The following CNTRL variants were observed in gnomAD, a reference collection of about 807,000 sequenced individuals.
CNTRL encodes centriolin.
In CNTRL, 233 loss-of-function variants were observed where a neutral mutation model predicts 303.7. The ratio of observed to expected loss-of-function variants is 0.77; its 90% CI spans 0.69 to 0.86. CNTRL has a LOEUF of 0.86. CNTRL is among the 40% of genes least tolerant of loss of function. The pLI is 0.00. For missense variants in CNTRL, 2,524 were observed against 2,650.6 expected, an observed-to-expected ratio of 0.95 and a Z score of 1.05; for synonymous variants, 900 against 922.2, an observed-to-expected ratio of 0.98 and a Z score of 0.44.
At chr9:121,086,632 A>C (rs1032810693) in intron 2 of CNTRL, among the ~76,000 whole-genome samples, 3 of 128,524 alleles carry the variant, frequency 2.3e-5, no homozygotes, top group African/African-American at 9.7e-5. Context: ...TGCTGGATTT[A>C]CTTTTTTTTT....
chr9:121,136,720 A>G (rs12342830), intron 15 of CNTRL, among the ~76,000 whole-genome samples: 4 of 152,204 alleles, frequency 2.6e-5, no homozygotes, highest in African/African-American at 9.7e-5. Context: ...AACATATCCA[A>G]TAAATATTTA....
At chr9:121,162,018 A>G (rs1169759310) in intron 33 of CNTRL, 36 bp from the exon 34 acceptor site, 6 of 1,613,470 alleles carry the variant, frequency 3.7e-6, no homozygotes, top group Non-Finnish European at 5.1e-6. Context: ...AGTCTTTCTC[A>G]TTTAAGATGT....
In CNTRL at chr9:121,143,990, G is replaced by C. The variant is rs375237919; in HGVS notation, c.2959G>C (p.Asp987His). 1.2e-6 allele frequency: 2 copies of C among 1,613,872 alleles called. No individual in the cohort carries two copies. Among genetic ancestry groups the C allele is most frequent in the Non-Finnish European group, 1.7e-6 (2 of 1,179,842 alleles). Residue 987 changes from aspartate (D) to histidine (H), a missense_variant, in exon 20 of 44, where the codon GAT becomes CAT. Physicochemically the swap from Asp to His is moderately conservative, Grantham distance 81 (BLOSUM62 -1). Transcript: ENST00000373855. ...ACTAAAGAAAGCCGTGGCCACCTCTGATAAGCTAGCCACAGCTGAGCTCAC... is the reference window on the plus strand; with the variant it reads ...ACTAAAGAAAGCCGTGGCCACCTCTCATAAGCTAGCCACAGCTGAGCTCAC... Reference protein sequence around the residue: ...KKLKKAVATSDKLATAELTIA... With the variant: ...KKLKKAVATSHKLATAELTIA...
rs1400333498 is a variant in CNTRL at position 121,162,182 on chromosome 9, A to C, written c.5334A>C (p.Leu1778Phe). 5 of 1,614,066 alleles carry C rather than the reference A, an allele frequency of 3.1e-6. No individual in the cohort carries two copies. Among genetic ancestry groups the C allele is most frequent in the Non-Finnish European group, 4.2e-6 (5 of 1,180,026 alleles). The change falls in exon 34 of 44, where the codon TTA becomes TTC. Residue 1778 changes from leucine to phenylalanine, a missense_variant. Leu to Phe is a conservative substitution (Grantham distance 22). Coordinates refer to ENST00000373855, the MANE Select transcript of CNTRL (RefSeq NM_007018.6). ...IERMTAESRA[L>F]QSCVECLSKE... ...GAATGACTGCTGAGTCCCGAGCTTT[A>C]CAATCGTGTGTTGAGTGTTTGAGCA...
chr9:121,151,976 T>TAA (rs1410946427), intron 25 of CNTRL: 7 of 154,796 alleles, frequency 4.5e-5, no homozygotes, highest in African/African-American at 1.7e-4. Flanking sequence ...AGCATTTTTC[T>TAA]ATAATCTCTT....
chr9:121,140,029 A>G (rs1003961634), intron 16 of CNTRL, among the ~76,000 whole-genome samples: 4 of 152,172 alleles, frequency 2.6e-5, no homozygotes, highest in African/African-American at 4.8e-5. Flanking sequence ...TTTGTCAGAA[A>G]TCATTTAGTT....
At chr9:121,118,934 T>C (rs1033816685) in intron 12 of CNTRL, among the ~76,000 whole-genome samples, 1 of 152,200 alleles carries the variant, frequency 6.6e-6, no homozygotes, top group Non-Finnish European at 1.5e-5. Flanking sequence ...TGCTATTTTA[T>C]AGAAGGGACT....
intron 23 of CNTRL, among the ~76,000 whole-genome samples, chr9:121,148,005 A>C (rs1424953194): frequency 6.6e-6 from 1 of 152,232 alleles, no homozygotes; most frequent in Non-Finnish European, 1.5e-5. Flanking sequence ...TGGTGACCCC[A>C]GATTTCTTCG....
chr9:121,108,396 C>T (rs1461177049), intron 8 of CNTRL, among the ~76,000 whole-genome samples: 2 of 152,122 alleles, frequency 1.3e-5, no homozygotes, highest in African/African-American at 2.4e-5. Context: ...GCACGTTACT[C>T]AGCCCATTGA....
At chr9:121,140,847 G>T in intron 17 of CNTRL, 61 bp downstream of exon 17, 3 of 1,502,212 alleles carry the variant, frequency 2.0e-6, no homozygotes, top group Non-Finnish European at 2.7e-6. Flanking sequence ...AGTTGTGAGT[G>T]TGAGGTTCAA....
intron 7 of CNTRL, among the ~76,000 whole-genome samples, chr9:121,104,346 T>C (rs2049344047): frequency 6.6e-6 from 1 of 151,662 alleles, no homozygotes; most frequent in South Asian, 2.1e-4. Context: ...GGACACAGGG[T>C]GGGTAACACC....
At chr9:121,136,995 G>A (rs1046326852) in intron 15 of CNTRL, among the ~76,000 whole-genome samples, 6 of 152,132 alleles carry the variant, frequency 3.9e-5, no homozygotes, top group Non-Finnish European at 7.4e-5. Flanking sequence ...AGGAGTAAAG[G>A]TAAGGTATTT....
intron 7 of CNTRL, among the ~76,000 whole-genome samples, chr9:121,104,451 C>G (rs929440159): frequency 1.3e-5 from 2 of 151,926 alleles, no homozygotes; most frequent in Non-Finnish European, 2.9e-5. Context: ...GTGCAGCACA[C>G]CAACATGGCA....
intron 2 of CNTRL, among the ~76,000 whole-genome samples, chr9:121,082,829 G>T (rs1308845223): frequency 6.6e-6 from 1 of 152,190 alleles, no homozygotes; most frequent in South Asian, 2.1e-4. Flanking sequence ...AATTAGCCAG[G>T]CGTGGTGGCA....
At position 121,148,938 on chromosome 9, in the gene CNTRL, AG is replaced by A. The variant is rs1187496511; in HGVS notation, c.3649+78del. Reference sequence around the variant, plus strand: ...TTTTACTGATTCTCTGAAACCCCTAAGACACAATCCAGACTCCTTAGCTAGC... The same window carrying A: ...TTTTACTGATTCTCTGAAACCCCTAAACACAATCCAGACTCCTTAGCTAGC... On this transcript the variant is annotated intron_variant, in intron 24 of 43. Coordinates refer to ENST00000373855, the MANE Select transcript of CNTRL (RefSeq NM_007018.6). 3.0e-4 allele frequency: 406 copies of A among 1,359,274 alleles called. 1 individual carries two copies. The highest frequency in any genetic ancestry group is 4.7e-5 in the Non-Finnish European group (46 of 981,228). The allele number at this position is 1,359,274 out of a possible 1,614,324, so 84.2% of individuals were successfully genotyped here.
rs566471526 is a variant in CNTRL, at chr9:121,168,446, A to C, written c.6070+125A>C. 9.2e-5 allele frequency: 68 copies of C among 737,208 alleles called. 1 individual carries two copies. The South Asian group carries it at 1.1e-3, about 12-fold the overall frequency. The allele number at this position is 737,208 out of a possible 1,614,324, so 45.7% of individuals were successfully genotyped here. A position where few individuals can be genotyped will look rare whatever the true frequency, so the allele number is the denominator to read the frequency against. On this transcript the variant is annotated intron_variant, in intron 38 of 43. Coordinates refer to ENST00000373855, the MANE Select transcript of CNTRL (RefSeq NM_007018.6). Reference sequence around the variant, plus strand: ...CCAGGAGAGGAGGCAGGAGAAGTAAAGCAGGAGGTATGATAGCCCTGTGAA... The same window carrying C: ...CCAGGAGAGGAGGCAGGAGAAGTAACGCAGGAGGTATGATAGCCCTGTGAA...
chr9:121,112,842 C>T (rs1298831236), intron 9 of CNTRL, among the ~76,000 whole-genome samples: 4 of 152,206 alleles, frequency 2.6e-5, no homozygotes, highest in African/African-American at 7.2e-5. Flanking sequence ...TAACTCGCAG[C>T]TATCTTTCCC....
At chr9:121,103,458 C>T (rs903828535) in intron 7 of CNTRL, among the ~76,000 whole-genome samples, 8 of 152,108 alleles carry the variant, frequency 5.3e-5, no homozygotes, top group Non-Finnish European at 1.0e-4. Context: ...AGAAGAAAAC[C>T]TAGGCAATAC....
chr9:121,082,638 T>C (rs2048183955), intron 2 of CNTRL, among the ~76,000 whole-genome samples: 1 of 152,144 alleles, frequency 6.6e-6, no homozygotes, highest in African/African-American at 2.4e-5. Context: ...CTGAATACTT[T>C]AGGCAGTTGT....
Sources: gnomAD v4.1 joint callset for allele counts (sites outside exome capture counted in the v4.1 genomes callset) on GRCh38, gnomAD v4.1.1 for gene constraint, MANE v1.5 for transcripts, NCBI Gene and HGNC (gene_info 2026-07-23, HGNC 2026-07-21) for gene names.